RRP36: variants seen among roughly 807,000 people sequenced by gnomAD.
RRP36 encodes the protein ribosomal RNA processing 36.
Under a neutral mutation model 39.8 loss-of-function variants are expected in RRP36, and 44 were observed. The ratio of observed to expected loss-of-function variants is 1.10; its 90% CI spans 0.87 to 1.42. The LOEUF (loss-of-function observed/expected upper bound fraction) is 1.42. Among genes scored for constraint, RRP36 ranks in the 40% most tolerant of loss-of-function variants. The probability of loss-of-function intolerance (pLI) is 0.00; values close to 1 mark genes in which losing one functional copy is unlikely to be tolerated. For synonymous variants in RRP36, 124 were observed against 123.1 expected (o/e 1.01, Z -0.05); for missense variants, 316 against 322.4 (o/e 0.98, Z 0.15).
intron 3 of RRP36, 53 bp from the exon 4 acceptor site, chr6:43,025,984 A>G: frequency 7.4e-7 from 1 of 1,349,062 alleles, no homozygotes; most frequent in Admixed American, 1.9e-5. Flanking sequence ...ACTTTTTCTC[A>G]GTGAAAGGAG....
At chr6:43,027,766 C>CT (rs1481917486) in intron 6 of RRP36, among the ~76,000 whole-genome samples, 4 of 76,972 alleles carry the variant, frequency 5.2e-5, no homozygotes, top group South Asian at 3.8e-4. Context: ...CTACACTACA[C>CT]ACACACACAC....
chr6:43,026,104 AC>A lies in RRP36; in HGVS notation c.415del (p.Gln139AsnfsTer3). 1 of 1,613,942 alleles carries A rather than the reference AC, an allele frequency of 6.2e-7. No homozygotes were observed. The highest frequency in any genetic ancestry group is 1.1e-5 in the South Asian group (1 of 91,068). ...EYNPEVFDKT[Y>X]QFLNDIRAKE... ...AATCCTGAGGTGTTTGACAAAACAT[AC>A]CAATTCTTGAATGACATCCGAGCGA... On this transcript the variant is annotated frameshift_variant, in exon 4 of 7. Transcript: ENST00000244496. LOFTEE classifies it high-confidence loss of function.
At chr6:43,028,205 C>A (rs894020203) in intron 6 of RRP36, among the ~76,000 whole-genome samples, 4 of 151,746 alleles carry the variant, frequency 2.6e-5, no homozygotes, top group Admixed American at 6.6e-5. Context: ...GTGGCGTGCA[C>A]CTGTAATCCA....
intron 4 of RRP36, 27 bp from the exon 5 acceptor site, chr6:43,027,151 C>T (rs781722770): frequency 6.2e-7 from 1 of 1,606,774 alleles, no homozygotes; most frequent in South Asian, 1.1e-5. Flanking sequence ...AGAATGCTAA[C>T]CATGATACTC....
rs777384352 is a variant in RRP36 at position 43,021,623 on chromosome 6, G to A, written c.-32G>A. On this transcript the variant is annotated 5_prime_UTR_variant, in exon 1 of 7. Coordinates refer to ENST00000244496, the MANE Select transcript of RRP36 (RefSeq NM_033112.4). ...AGGGGCTGCCGTGAGCGGAAGCGGC[G>A]CCATTCGTCTTCCGAGCGCTACTGC... is the stretch of plus-strand genomic sequence containing the variant. 4 of 1,282,718 alleles carry A rather than the reference G, an allele frequency of 3.1e-6. No individual in the cohort carries two copies. The highest frequency in any genetic ancestry group is 6.4e-5 in the South Asian group (2 of 31,136). 79.5% of individuals were successfully genotyped at this position (1,282,718 alleles called of 1,614,324 possible). A position where few individuals can be genotyped will look rare whatever the true frequency, so the allele number is the denominator to read the frequency against.
intron 6 of RRP36, 136 bp from the exon 7 acceptor site, chr6:43,028,956 A>G (rs1581888989): frequency 8.3e-7 from 1 of 1,204,308 alleles, no homozygotes; most frequent in African/African-American, 1.5e-5. Context: ...CCGTCTCAGA[A>G]AAAAGATAGA....
intron 1 of RRP36, among the ~76,000 whole-genome samples, 183 bp downstream of exon 1, chr6:43,021,967 C>T (rs1180013701): frequency 1.3e-5 from 2 of 152,296 alleles, no homozygotes; most frequent in Non-Finnish European, 1.5e-5. Context: ...TTAGGACATC[C>T]TGAGAAGTTT....
In RRP36 at chr6:43,021,742, G is replaced by A; in HGVS notation, c.88G>A (p.Gly30Arg). The A allele has an allele frequency of 8.2e-7, 1 of 1,226,984 alleles. No individual in the cohort carries two copies. The highest frequency in any genetic ancestry group is 1.0e-6 in the Non-Finnish European group (1 of 984,116). The allele number at this position is 1,226,984 out of a possible 1,614,324, so 76.0% of individuals were successfully genotyped here. The change falls in exon 1 of 7, where the codon GGG (glycine) becomes AGG (arginine). Residue 30 changes from glycine to arginine, a missense_variant. By Grantham distance (125) the Gly-to-Arg change is moderately radical. Transcript: ENST00000244496. ...RGARDREEDG[G>R]GLEPAAVARD... ...GGCCCGGGACCGCGAGGAGGACGGCGGGGGCCTGGAGCCCGCGGCCGTGGC... is the reference window on the plus strand; with the variant it reads ...GGCCCGGGACCGCGAGGAGGACGGCAGGGGCCTGGAGCCCGCGGCCGTGGC...
At position 43,029,169 on chromosome 6, in the gene RRP36, C is replaced by G. The variant is rs759948925; in HGVS notation, c.721C>G (p.Arg241Gly). The change falls in exon 7 of 7, where the codon CGA becomes GGA. Residue 241 changes from arginine (R) to glycine (G), a missense_variant. Arg to Gly is a moderately radical substitution (Grantham distance 125). Transcript: ENST00000244496. ...CAAGAAATTGGAGAACTTCTTGAGT[C>G]GAAAGAGGCGACGAAATGCAGGCAA... Reference protein sequence around the residue: ...RSKKLENFLSRKRRRNAGKDR... With the variant: ...RSKKLENFLSGKRRRNAGKDR... 1 of 1,614,186 alleles carries G rather than the reference C, an allele frequency of 6.2e-7. No homozygotes were observed.
intron 1 of RRP36, among the ~76,000 whole-genome samples, chr6:43,021,996 G>A (rs1162889577): frequency 1.3e-5 from 2 of 152,224 alleles, no homozygotes; most frequent in Non-Finnish European, 2.9e-5. Context: ...CAGGATGAGG[G>A]TTTTCGGCGA....
Position 43,027,194 on chromosome 6 carries a change from TGAA to T in RRP36, c.472_474del (p.Lys158del). 1 of 1,614,132 alleles carries T rather than the reference TGAA, an allele frequency of 6.2e-7. No homozygotes were observed. The highest frequency in any genetic ancestry group is 8.5e-7 in the Non-Finnish European group (1 of 1,179,978). ...AATGTGGAGCTTGTGAAAAAACAGT[TGAA>T]GAAGCACCTTTCAGGAGAGGAGCAT... On this transcript the variant is annotated inframe_deletion, in exon 5 of 7. Coordinates refer to ENST00000244496, the MANE Select transcript of RRP36 (RefSeq NM_033112.4).
intron 4 of RRP36, 39 bp from the exon 5 acceptor site, chr6:43,027,139 G>T (rs757780892): frequency 3.2e-6 from 5 of 1,579,988 alleles, no homozygotes; most frequent in Non-Finnish European, 4.3e-6. Context: ...GCTAACATTT[G>T]CAGAATGCTA....
chr6:43,026,357 A>C (rs1198306448), intron 4 of RRP36, among the ~76,000 whole-genome samples: 1 of 152,146 alleles, frequency 6.6e-6, no homozygotes, highest in African/African-American at 2.4e-5. Context: ...CTAATCATAA[A>C]AAAATAAAAT....
At chr6:43,025,806 G>A (rs1367201540) in intron 3 of RRP36, among the ~76,000 whole-genome samples, 1 of 151,918 alleles carries the variant, frequency 6.6e-6, no homozygotes, top group Non-Finnish European at 1.5e-5. Context: ...GGTGGCGGGT[G>A]CCTGTAGTCC....
chr6:43,021,778 T>A lies in RRP36; in HGVS notation c.124T>A (p.Leu42Met). 1 of 1,204,904 alleles carries A rather than the reference T, an allele frequency of 8.3e-7. No homozygotes were observed. Among genetic ancestry groups the A allele is most frequent in the East Asian group, 3.4e-5 (1 of 29,752 alleles). 74.6% of individuals were successfully genotyped at this position (1,204,904 alleles called of 1,614,324 possible). A position where few individuals can be genotyped will look rare whatever the true frequency, so the allele number is the denominator to read the frequency against. ...GCCCGCGGCCGTGGCCCGCGACCTA[T>A]TGAGGGGTGAGGGCATGGGGCAGGG... ...LEPAAVARDL[L>M]RGTSNMSFEE... is the part of the protein sequence containing the mutation. The change falls in exon 1 of 7, where the codon TTG (leucine) becomes ATG (methionine). Residue 42 changes from leucine to methionine, a missense_variant. Transcript: ENST00000244496.
Position 43,026,053 on chromosome 6 carries a change from G to A in RRP36, c.362G>A (p.Arg121His), listed in dbSNP as rs371656429. 6.8e-5 allele frequency: 109 copies of A among 1,612,906 alleles called. No homozygotes were observed. Among genetic ancestry groups the A allele is most frequent in the Non-Finnish European group, 8.8e-5 (104 of 1,179,136 alleles). The change falls in exon 4 of 7, where the codon CGC becomes CAC. Residue 121 changes from arginine (R) to histidine (H), a missense_variant. Coordinates refer to ENST00000244496, the MANE Select transcript of RRP36 (RefSeq NM_033112.4). The part of the protein sequence containing the change: ...PISKKVARDP[R>H]FDDLSGEYNP... ...TCTCCAAAGGTAGCCCGGGACCCTC[G>A]CTTTGATGATCTGTCAGGGGAATAT...
chr6:43,028,579 C>T lies in RRP36; in HGVS notation c.644-513C>T, dbSNP rs374462622. 1.3e-4 allele frequency among the ~76,000 whole-genome samples: 20 copies of T among 151,112 alleles called. No homozygotes were observed. The East Asian group carries it at 2.7e-3, about 21-fold the overall frequency. ...AGGAGAATCGCTTGAATCTGGGAGG[C>T]GGAGGTTGCAGTGAGCTGAAATCGT... On this transcript the variant is annotated intron_variant, in intron 6 of 6. Coordinates refer to ENST00000244496, the MANE Select transcript of RRP36 (RefSeq NM_033112.4).
At position 43,025,341 on chromosome 6, in the gene RRP36, G is replaced by T. The variant is rs565690573; in HGVS notation, c.345+12G>T. 5 of 1,612,434 alleles carry T rather than the reference G, an allele frequency of 3.1e-6. No homozygotes were observed. In the South Asian group the frequency reaches 5.5e-5, roughly 18 times the overall value. On this transcript the variant is annotated intron_variant, in intron 3 of 6. Transcript: ENST00000244496. ...CCATTAGTAAAAAGGTAAGGAAGAA[G>T]GCCAGGCACTGTGGCTCACGCCTGT...
chr6:43,024,315 G>A (rs1762773635), intron 1 of RRP36, among the ~76,000 whole-genome samples: 1 of 152,116 alleles, frequency 6.6e-6, no homozygotes, highest in Non-Finnish European at 1.5e-5. Flanking sequence ...GTGGGAATAT[G>A]CTGCTAGGAG....
Sources: allele counts gnomAD v4.1 joint callset (sites outside exome capture counted in the v4.1 genomes callset), GRCh38; gene constraint gnomAD v4.1.1; transcripts MANE v1.5; gene names NCBI Gene and HGNC (gene_info 2026-07-23, HGNC 2026-07-21).